Variants in MLLT10 observed in about 807,000 individuals in gnomAD.
MLLT10 encodes the protein protein AF-10.
Under a neutral mutation model 129.1 loss-of-function variants are expected in MLLT10, and 30 were observed. The ratio of observed to expected loss-of-function variants is 0.23; its 90% confidence interval spans 0.17 to 0.32. MLLT10 has a LOEUF of 0.32. MLLT10 is among the 10% of genes least tolerant of loss of function. MLLT10 has a pLI of 1.00. For missense variants in MLLT10, 1,119 were observed against 1,268.3 expected, an observed-to-expected ratio of 0.88 and a Z score of 1.79; for synonymous variants, 490 against 446.4, an observed-to-expected ratio of 1.10 and a Z score of -1.23.
chr10:21,586,088 G>A (rs923631966), intron 3 of MLLT10, among the ~76,000 whole-genome samples: 2 of 152,106 alleles, frequency 1.3e-5, no homozygotes, highest in East Asian at 1.9e-4. Flanking sequence ...AAGTTAAAAT[G>A]TACTTTAAAA....
intron 3 of MLLT10, among the ~76,000 whole-genome samples, chr10:21,559,772 C>A (rs2038566444): frequency 6.6e-6 from 1 of 152,130 alleles, no homozygotes. Flanking sequence ...GTAGCATGTA[C>A]CAGAATTTGA....
At chr10:21,692,684 C>G (rs1239723083) in intron 13 of MLLT10, among the ~76,000 whole-genome samples, 1 of 150,842 alleles carries the variant, frequency 6.6e-6, no homozygotes, top group African/African-American at 2.4e-5. Flanking sequence ...TGAGATCTTA[C>G]TAATGTCGCC....
intron 13 of MLLT10, among the ~76,000 whole-genome samples, chr10:21,692,934 C>A (rs2054014867): frequency 6.6e-6 from 1 of 152,078 alleles, no homozygotes; most frequent in South Asian, 2.1e-4. Flanking sequence ...ACCACCATAT[C>A]TGATAAGATT....
At chr10:21,664,316 G>A (rs1164526348) in intron 9 of MLLT10, among the ~76,000 whole-genome samples, 1 of 144,122 alleles carries the variant, frequency 6.9e-6, no homozygotes, top group South Asian at 2.2e-4. Flanking sequence ...CTTTTTGTTT[G>A]TTTGTTTTTT....
chr10:21,682,308 CT>C, intron 13 of MLLT10, 51 bp downstream of exon 13: 1 of 1,520,422 alleles, frequency 6.6e-7, no homozygotes, highest in Non-Finnish European at 9.0e-7. Context: ...CAAAGGTTGC[CT>C]TTTGTAGAGA....
At chr10:21,644,435 G>A (rs1050252939) in intron 8 of MLLT10, among the ~76,000 whole-genome samples, 1 of 152,096 alleles carries the variant, frequency 6.6e-6, no homozygotes, top group Admixed American at 6.6e-5. Flanking sequence ...GTGGGAATGA[G>A]GGGTGCAGTA....
Position 21,612,512 on chromosome 10 carries a change from TA to T in MLLT10, c.509+63del, listed in dbSNP as rs984849084. ...TGGTAAATACCTTGTGTAACAATCA[TA>T]AGTTAAAGACTTAGATACTCAAACA... On this transcript the variant is annotated intron_variant, in intron 6 of 22. Coordinates refer to ENST00000307729, the MANE Select transcript of MLLT10 (RefSeq NM_001195626.3). 7 of 1,023,330 alleles carry T rather than the reference TA, an allele frequency of 6.8e-6. No individual in the cohort carries two copies. The African/African-American group carries it at 1.1e-4, about 17-fold the overall frequency. 63.4% of individuals were successfully genotyped at this position (1,023,330 alleles called of 1,614,324 possible).
intron 8 of MLLT10, among the ~76,000 whole-genome samples, chr10:21,632,628 A>G (rs868568886): frequency 6.6e-6 from 1 of 152,236 alleles, no homozygotes; most frequent in Non-Finnish European, 1.5e-5. Flanking sequence ...TCAATATTGA[A>G]CAGTTTGTTT....
intron 3 of MLLT10, among the ~76,000 whole-genome samples, chr10:21,540,311 A>G (rs1252642615): frequency 1.3e-5 from 2 of 152,048 alleles, no homozygotes; most frequent in African/African-American, 2.4e-5. Flanking sequence ...AATCGCTTGA[A>G]TGAGGGAGCC....
At position 21,610,454 on chromosome 10, in the gene MLLT10, T is replaced by C. The variant is rs572074805; in HGVS notation, c.406-1894T>C. Among the ~76,000 whole-genome samples the C allele has an allele frequency of 5.3e-5, 8 of 152,234 alleles. No homozygotes were observed. In the South Asian group the frequency reaches 1.7e-3, roughly 32 times the overall value. Reference sequence around the variant, plus strand: ...TGGGAGCAAGTTGTGACTTAAATGCTATAGACTCTTAGTGTCATTATTGAG... The same window carrying C: ...TGGGAGCAAGTTGTGACTTAAATGCCATAGACTCTTAGTGTCATTATTGAG... On this transcript the variant is annotated intron_variant, in intron 5 of 22. Transcript: ENST00000307729.
chr10:21,673,318 C>CCCT (rs1564622986), intron 10 of MLLT10, 32 bp from the exon 11 acceptor site: 6 of 307,644 alleles, frequency 2.0e-5, no homozygotes, highest in Non-Finnish European at 3.0e-5. Context: ...CACCCCCCAA[C>CCCT]TTTTTTTTTT....
At chr10:21,700,890 T>G (rs1010714061) in intron 13 of MLLT10, among the ~76,000 whole-genome samples, 1 of 152,192 alleles carries the variant, frequency 6.6e-6, no homozygotes, top group African/African-American at 2.4e-5. Flanking sequence ...TTGGAATAGT[T>G]TGAAGAGGAT....
At chr10:21,667,153 G>A (rs537596589) in intron 9 of MLLT10, among the ~76,000 whole-genome samples, 1 of 151,912 alleles carries the variant, frequency 6.6e-6, no homozygotes, top group Non-Finnish European at 1.5e-5. Flanking sequence ...TTTCTAGATC[G>A]AATGTTTTCA....
intron 14 of MLLT10, among the ~76,000 whole-genome samples, chr10:21,715,301 G>A (rs891104467): frequency 2.6e-5 from 4 of 152,164 alleles, no homozygotes; most frequent in Non-Finnish European, 5.9e-5. Context: ...GAAAAGCAAT[G>A]GCATGATTAG....
At chr10:21,592,054 A>C (rs2042560519) in intron 4 of MLLT10, among the ~76,000 whole-genome samples, 1 of 152,086 alleles carries the variant, frequency 6.6e-6, no homozygotes, top group African/African-American at 2.4e-5. Flanking sequence ...TGTAGAATGA[A>C]ACCATATAGA....
intron 2 of MLLT10, among the ~76,000 whole-genome samples, chr10:21,536,958 A>AT (rs1309251521): frequency 3.3e-5 from 5 of 150,832 alleles, no homozygotes; most frequent in East Asian, 3.9e-4. Context: ...TAATTTTTGT[A>AT]TTTTTTTTAG....
chr10:21,534,859 C>T (rs1471208312), intron 2 of MLLT10, 55 bp downstream of exon 2: 5 of 1,327,138 alleles, frequency 3.8e-6, no homozygotes, highest in Non-Finnish European at 4.9e-6. Context: ...CGGTCACCGC[C>T]GCCCCCACCT....
intron 3 of MLLT10, among the ~76,000 whole-genome samples, chr10:21,569,883 ACTACCTGTGG>A (rs1250308498): frequency 1.3e-5 from 2 of 151,938 alleles, no homozygotes; most frequent in Non-Finnish European, 2.9e-5. Flanking sequence ...GGTGTGTGCC[ACTACCTGTGG>A]CTAATTTTTG....
rs746336042 is a variant in MLLT10 at position 21,538,941 on chromosome 10, C to T, written c.240+29C>T. The T allele has an allele frequency of 9.8e-6, 15 of 1,532,440 alleles. No homozygotes were observed. The African/African-American group carries it at 1.8e-4, about 18-fold the overall frequency. The allele number at this position is 1,532,440 out of a possible 1,614,324, so 94.9% of individuals were successfully genotyped here. A position where few individuals can be genotyped will look rare whatever the true frequency, so the allele number is the denominator to read the frequency against. On this transcript the variant is annotated intron_variant, in intron 3 of 22. Coordinates refer to ENST00000307729, the MANE Select transcript of MLLT10 (RefSeq NM_001195626.3). Reference sequence around the variant, plus strand: ...AGGACTATTTATCAAAAACATTAAACTTTAGTGAGTAGGTTAGGAAATTAG... The same window carrying T: ...AGGACTATTTATCAAAAACATTAAATTTTAGTGAGTAGGTTAGGAAATTAG...
Sources: allele counts gnomAD v4.1 joint callset (sites outside exome capture counted in the v4.1 genomes callset), GRCh38; gene constraint gnomAD v4.1.1; transcripts MANE v1.5; gene names NCBI Gene and HGNC (gene_info 2026-07-23, HGNC 2026-07-21).